The following SPOCK1 variants were observed in gnomAD, a reference collection of about 807,000 sequenced individuals.
SPOCK1 encodes the protein testican-1.
SPOCK1 carries 23 observed loss-of-function variants against 55.3 expected under a neutral mutation model. The observed-to-expected ratio is 0.42, with a 90% CI of 0.30 to 0.59. SPOCK1 has a LOEUF of 0.59. Ranked by LOEUF, SPOCK1 falls within the 20% of genes least tolerant of loss-of-function variation. SPOCK1 has a pLI of 0.22. For missense variants in SPOCK1, 499 were observed against 552.5 expected (o/e 0.90, Z 0.97); for synonymous variants, 226 against 221.0 (o/e 1.02, Z -0.20).
At chr5:137,197,306 T>C (rs992884518) in intron 3 of SPOCK1, among the ~76,000 whole-genome samples, 1 of 152,100 alleles carries the variant, frequency 6.6e-6, no homozygotes, top group African/African-American at 2.4e-5. Flanking sequence ...CTGAGGAAGA[T>C]CGAGATACTC....
chr5:137,117,859 C>A (rs10900847), intron 4 of SPOCK1, among the ~76,000 whole-genome samples: 35,029 of 152,118 alleles, frequency 0.23, 4,438 homozygotes, highest in Non-Finnish European at 0.28. Context: ...TGCATGAGGG[C>A]CTCTGATGAT....
chr5:137,079,535 C>CTG (rs56351896), intron 5 of SPOCK1, among the ~76,000 whole-genome samples: 4 of 47,096 alleles, frequency 8.5e-5, no homozygotes, highest in Non-Finnish European at 1.9e-4. Context: ...CATCTGATTC[C>CTG]CCCCCCCCCC....
At chr5:137,488,772 G>A (rs771738211) in intron 2 of SPOCK1, among the ~76,000 whole-genome samples, 5 of 152,266 alleles carry the variant, frequency 3.3e-5, no homozygotes, top group South Asian at 4.1e-4. Context: ...AGGCGCCGAC[G>A]GACTTTGCAT....
intron 2 of SPOCK1, among the ~76,000 whole-genome samples, chr5:137,427,604 G>A (rs919462358): frequency 9.2e-5 from 14 of 152,110 alleles, no homozygotes; most frequent in African/African-American, 3.4e-4. Context: ...GAAACAACTT[G>A]TCTTACCGTA....
At chr5:137,439,164 G>A (rs1039237769) in intron 2 of SPOCK1, among the ~76,000 whole-genome samples, 2 of 152,208 alleles carry the variant, frequency 1.3e-5, no homozygotes, top group Non-Finnish European at 2.9e-5. Context: ...AGAGACAGAG[G>A]ATGGGGATGT....
intron 10 of SPOCK1, 51 bp from the exon 11 acceptor site, chr5:136,978,895 C>T (rs758136790): frequency 6.5e-7 from 1 of 1,538,152 alleles, no homozygotes; most frequent in African/African-American, 1.4e-5. Flanking sequence ...TACCTCATGA[C>T]CCACGTCAGG....
At chr5:137,099,960 C>T (rs1478228840) in intron 5 of SPOCK1, among the ~76,000 whole-genome samples, 2 of 152,210 alleles carry the variant, frequency 1.3e-5, no homozygotes, top group Non-Finnish European at 2.9e-5. Flanking sequence ...TCTCTCCCTA[C>T]AACCAGGGAT....
intron 2 of SPOCK1, among the ~76,000 whole-genome samples, chr5:137,327,866 GA>G (rs1390864556): frequency 6.6e-6 from 1 of 152,150 alleles, no homozygotes; most frequent in East Asian, 1.9e-4. Context: ...CCTAACATGG[GA>G]AATAATCCAG....
In SPOCK1 at chr5:137,404,575, ATT is replaced by A. The variant is rs67609274; in HGVS notation, c.186+93796_186+93797del. Among the ~76,000 whole-genome samples, 158 of 137,806 alleles carry A rather than the reference ATT, an allele frequency of 1.1e-3. 1 individual carries two copies. The highest frequency in any genetic ancestry group is 2.0e-3 in the Admixed American group (27 of 13,740). 90.4% of individuals were successfully genotyped at this position (137,806 alleles called of 152,430 possible). A position where few individuals can be genotyped will look rare whatever the true frequency, so the allele number is the denominator to read the frequency against. ...CAGGCCCTGCCACCACACCCAGCTAATTTTTTTTTTTTTTTTGTATTTTTAGT... is the reference window on the plus strand; with the variant it reads ...CAGGCCCTGCCACCACACCCAGCTAATTTTTTTTTTTTTTGTATTTTTAGT... On this transcript the variant is annotated intron_variant, in intron 2 of 10. Coordinates refer to ENST00000394945, the MANE Select transcript of SPOCK1 (RefSeq NM_004598.4).
chr5:137,420,736 T>C (rs1469200678), intron 2 of SPOCK1, among the ~76,000 whole-genome samples: 1 of 152,182 alleles, frequency 6.6e-6, no homozygotes, highest in East Asian at 1.9e-4. Context: ...GTTGATCTTT[T>C]CAAAAAACCA....
At chr5:137,206,840 C>T (rs1029822681) in intron 3 of SPOCK1, among the ~76,000 whole-genome samples, 1 of 152,114 alleles carries the variant, frequency 6.6e-6, no homozygotes, top group Admixed American at 6.6e-5. Flanking sequence ...TCCATAAAGA[C>T]AGGACAAGTA....
At chr5:137,247,143 A>T (rs1756411010) in intron 3 of SPOCK1, among the ~76,000 whole-genome samples, 1 of 152,214 alleles carries the variant, frequency 6.6e-6, no homozygotes, top group Non-Finnish European at 1.5e-5. Context: ...AGAACATGGC[A>T]GGCAGAGGCT....
intron 7 of SPOCK1, chr5:136,988,850 T>C (rs568701572): frequency 4.2e-6 from 2 of 475,608 alleles, no homozygotes; most frequent in South Asian, 9.1e-5. Flanking sequence ...TTAAAAGTCA[T>C]CATTTGAGGA....
rs1432419657 is a variant in SPOCK1, at chr5:137,140,519, C to T, written c.347+61G>A. On this transcript the variant is annotated intron_variant, in intron 4 of 10. Coordinates refer to ENST00000394945, the MANE Select transcript of SPOCK1 (RefSeq NM_004598.4). ...TATCCCCACGTCAAAGACTGGAAAC[C>T]CTCAGATCTGCCAGCTGCAGAATGC... The T allele has an allele frequency of 2.5e-5, 35 of 1,417,472 alleles. No individual in the cohort carries two copies. In the Middle Eastern group the frequency reaches 5.7e-4, roughly 23 times the overall value. The allele number at this position is 1,417,472 out of a possible 1,614,324, so 87.8% of individuals were successfully genotyped here.
intron 5 of SPOCK1, among the ~76,000 whole-genome samples, chr5:137,091,045 G>A (rs1288667155): frequency 1.3e-5 from 2 of 152,168 alleles, no homozygotes; most frequent in African/African-American, 4.8e-5. Context: ...GTGTTCAATG[G>A]CCAGGAGGCA....
intron 9 of SPOCK1, among the ~76,000 whole-genome samples, chr5:136,984,598 C>T (rs1343592147): frequency 6.6e-6 from 1 of 152,314 alleles, no homozygotes; most frequent in East Asian, 1.9e-4. Context: ...GGGGAACACA[C>T]ATTCACTCAA....
intron 9 of SPOCK1, among the ~76,000 whole-genome samples, chr5:136,981,236 C>G (rs761691757): frequency 6.6e-6 from 1 of 152,216 alleles, no homozygotes; most frequent in African/African-American, 2.4e-5. Context: ...TCTTCTATAA[C>G]TGAGCTTATA....
chr5:137,066,963 T>TAAACACAC (rs1554095746), intron 6 of SPOCK1, among the ~76,000 whole-genome samples: 1 of 126,252 alleles, frequency 7.9e-6, no homozygotes, highest in South Asian at 3.2e-4. Flanking sequence ...AACATAAGCA[T>TAAACACAC]ACACACACAC....
intron 6 of SPOCK1, among the ~76,000 whole-genome samples, chr5:137,015,170 G>A (rs753298435): frequency 1.3e-5 from 2 of 152,066 alleles, no homozygotes; most frequent in Non-Finnish European, 2.9e-5. Flanking sequence ...GGCCAGGCAC[G>A]GTGGCCCATG....
Sources: gnomAD v4.1 joint callset for allele counts (sites outside exome capture counted in the v4.1 genomes callset) on GRCh38, gnomAD v4.1.1 for gene constraint, MANE v1.5 for transcripts, NCBI Gene and HGNC (gene_info 2026-07-23, HGNC 2026-07-21) for gene names.